Variants in RPS6KA6 observed in about 807,000 individuals in gnomAD.
RPS6KA6 encodes ribosomal protein S6 kinase A6.
Under a neutral mutation model 65.4 loss-of-function variants are expected in RPS6KA6, and 27 were observed. The ratio of observed to expected loss-of-function variants is 0.41; its 90% CI spans 0.30 to 0.57. RPS6KA6 has a LOEUF of 0.57. Ranked by LOEUF, RPS6KA6 falls within the 20% of genes least tolerant of loss-of-function variation. The pLI is 0.24. For synonymous variants in RPS6KA6, 190 were observed against 184.2 expected, an observed-to-expected ratio of 1.03 and a Z score of -0.26; for missense variants, 486 against 555.6, an observed-to-expected ratio of 0.87 and a Z score of 1.26.
Position 84,096,277 on chromosome X carries a change from G to C in RPS6KA6, c.1888C>G (p.Pro630Ala), listed in dbSNP as rs754025479. Residue 630 changes from proline to alanine, a missense_variant, in exon 20 of 22, where the codon CCT (proline) becomes GCT (alanine). Coordinates refer to ENST00000262752, the MANE Select transcript of RPS6KA6 (RefSeq NM_014496.5). Reference protein sequence around the residue: ...TPFANGPNDTPEEILLRIGNG... With the variant: ...TPFANGPNDTAEEILLRIGNG... ...CCTATACGCAGCAGTATCTCTTCAGGAGTATCATTGGGGCCATTAGCAAAT... is the reference window on the plus strand; with the variant it reads ...CCTATACGCAGCAGTATCTCTTCAGCAGTATCATTGGGGCCATTAGCAAAT... 9 of 1,179,668 alleles carry C rather than the reference G, an allele frequency of 7.6e-6. No individual in the cohort carries two copies. The highest frequency in any genetic ancestry group is 1.0e-5 in the Non-Finnish European group (9 of 875,352).
At chrX:84,185,360 T>C (rs1016664838) in intron 1 of RPS6KA6, among the ~76,000 whole-genome samples, 2 of 111,913 alleles carry the variant, frequency 1.8e-5, no homozygotes, top group African/African-American at 6.5e-5. Flanking sequence ...TAGTTATTGG[T>C]TGAAACCTGA....
At chrX:84,134,416 T>C (rs1397695664) in intron 8 of RPS6KA6, among the ~76,000 whole-genome samples, 1 of 111,271 alleles carries the variant, frequency 9.0e-6, no homozygotes, top group Non-Finnish European at 1.9e-5. Context: ...ATTATAGAGA[T>C]GTAGGACATA....
intron 3 of RPS6KA6, among the ~76,000 whole-genome samples, chrX:84,154,293 C>T (rs748574271): frequency 9.0e-6 from 1 of 111,322 alleles, no homozygotes; most frequent in East Asian, 2.8e-4. Flanking sequence ...ATCATCTTCA[C>T]TACTTATTTT....
chrX:84,170,165 T>TAAAAAAAAA, intron 1 of RPS6KA6, among the ~76,000 whole-genome samples: 1 of 55,340 alleles, frequency 1.8e-5, no homozygotes, highest in Non-Finnish European at 3.3e-5. Flanking sequence ...AGACTCCTTC[T>TAAAAAAAAA]AAAAAAAAAA....
At chrX:84,126,117 C>T (rs1231267932) in intron 8 of RPS6KA6, among the ~76,000 whole-genome samples, 1 of 111,066 alleles carries the variant, frequency 9.0e-6, no homozygotes, top group Non-Finnish European at 1.9e-5. Flanking sequence ...ACACTTCACC[C>T]ATAAAGATAC....
chrX:84,084,705 T>C (rs1473015910), intron 20 of RPS6KA6, among the ~76,000 whole-genome samples: 5 of 112,222 alleles, frequency 4.5e-5, no homozygotes, highest in Non-Finnish European at 9.4e-5. Flanking sequence ...ATTTTTTGGT[T>C]CTATATAAAT....
intron 8 of RPS6KA6, among the ~76,000 whole-genome samples, chrX:84,123,698 G>A (rs1261644840): frequency 8.9e-6 from 1 of 112,102 alleles, no homozygotes; most frequent in Admixed American, 9.4e-5. Context: ...AAATTTCTAA[G>A]GTATTTGACT....
At chrX:84,092,967 T>C (rs774168966) in intron 20 of RPS6KA6, among the ~76,000 whole-genome samples, 1 of 112,088 alleles carries the variant, frequency 8.9e-6, no homozygotes, top group South Asian at 3.7e-4. Flanking sequence ...AAAGAAAATA[T>C]AGTGTGTATA....
chrX:84,173,997 A>G (rs959527406), intron 1 of RPS6KA6, among the ~76,000 whole-genome samples: 2 of 112,511 alleles, frequency 1.8e-5, no homozygotes, highest in African/African-American at 6.5e-5. Context: ...GAAATAAAAA[A>G]GTATCTTTGT....
chrX:84,120,092 A>C, intron 8 of RPS6KA6, 65 bp from the exon 9 acceptor site: 1 of 834,879 alleles, frequency 1.2e-6, no homozygotes, highest in East Asian at 3.4e-5. Flanking sequence ...ACGTCAAAAG[A>C]AACAAAATAA....
chrX:84,077,122 T>C (rs1248197743), intron 20 of RPS6KA6, among the ~76,000 whole-genome samples: 1 of 111,670 alleles, frequency 9.0e-6, no homozygotes, highest in Non-Finnish European at 1.9e-5. Context: ...AGATACTGTG[T>C]TTATAGATAA....
chrX:84,126,526 C>T (rs2034790174), intron 8 of RPS6KA6, among the ~76,000 whole-genome samples: 1 of 111,182 alleles, frequency 9.0e-6, no homozygotes, highest in African/African-American at 3.3e-5. Context: ...ACATTTCATC[C>T]AAAGGCTGCA....
chrX:84,070,171 G>A (rs973099315), intron 20 of RPS6KA6, among the ~76,000 whole-genome samples: 2 of 111,997 alleles, frequency 1.8e-5, no homozygotes, highest in Non-Finnish European at 3.8e-5. Context: ...AATGCCCATC[G>A]ATGACAGACT....
chrX:84,087,675 T>C (rs1264527539), intron 20 of RPS6KA6, among the ~76,000 whole-genome samples: 1 of 111,447 alleles, frequency 9.0e-6, no homozygotes, highest in Non-Finnish European at 1.9e-5. Flanking sequence ...TGGGGTTCTC[T>C]GGATTTCTTG....
intron 5 of RPS6KA6, among the ~76,000 whole-genome samples, chrX:84,146,295 T>G (rs1313241054): frequency 9.0e-6 from 1 of 111,712 alleles, no homozygotes; most frequent in Non-Finnish European, 1.9e-5. Flanking sequence ...TGGGTATATA[T>G]TTTAATGTAT....
At chrX:84,126,346 G>A (rs2034784008) in intron 8 of RPS6KA6, among the ~76,000 whole-genome samples, 1 of 111,420 alleles carries the variant, frequency 9.0e-6, no homozygotes, top group Non-Finnish European at 1.9e-5. Flanking sequence ...TATATACAGA[G>A]CAAATATTAT....
intron 9 of RPS6KA6, among the ~76,000 whole-genome samples, chrX:84,119,609 T>C (rs897103988): frequency 2.7e-5 from 3 of 111,611 alleles, no homozygotes; most frequent in African/African-American, 9.7e-5. Flanking sequence ...TTCTGAAATA[T>C]AGAATCTGAC....
intron 18 of RPS6KA6, among the ~76,000 whole-genome samples, chrX:84,100,949 T>C (rs947879931): frequency 2.7e-5 from 3 of 110,887 alleles, no homozygotes; most frequent in Non-Finnish European, 5.7e-5. Context: ...GTTATTTTTA[T>C]AGTAGCTACT....
At chrX:84,070,250 T>G (rs748725433) in intron 20 of RPS6KA6, among the ~76,000 whole-genome samples, 6 of 111,450 alleles carry the variant, frequency 5.4e-5, no homozygotes, top group Non-Finnish European at 9.4e-5. Flanking sequence ...TGCAGGCACA[T>G]GGATGAAGAT....
Sources: gnomAD v4.1 joint callset for allele counts (sites outside exome capture counted in the v4.1 genomes callset) on GRCh38, gnomAD v4.1.1 for gene constraint, MANE v1.5 for transcripts, NCBI Gene and HGNC (gene_info 2026-07-23, HGNC 2026-07-21) for gene names.